Variants in KCNIP4 observed in about 807,000 individuals in gnomAD.
KCNIP4 encodes potassium voltage-gated channel interacting protein 4.
In KCNIP4, 12 loss-of-function variants were observed where a neutral mutation model predicts 34.0. That is an observed-to-expected ratio of 0.35 (90% CI 0.23 to 0.57). The LOEUF is 0.57. Among genes scored for constraint, KCNIP4 ranks in the 20% least tolerant of loss-of-function variants. KCNIP4 has a pLI of 0.83. For synonymous variants in KCNIP4, 124 were observed against 102.2 expected (o/e 1.21, Z -1.29); for missense variants, 238 against 311.7 (o/e 0.76, Z 1.78).
intron 1 of KCNIP4, among the ~76,000 whole-genome samples, chr4:21,826,652 T>A (rs1370902115): frequency 6.6e-6 from 1 of 151,948 alleles, no homozygotes; most frequent in African/African-American, 2.4e-5. Context: ...GTGAAAAAAA[T>A]AAAGACAAAT....
intron 1 of KCNIP4, among the ~76,000 whole-genome samples, chr4:21,225,931 C>T (rs1758348186): frequency 6.6e-6 from 1 of 151,964 alleles, no homozygotes; most frequent in South Asian, 2.1e-4. Flanking sequence ...AGTCTCTTCC[C>T]CCTGCTCATG....
At chr4:21,430,477 G>A (rs1340115555) in intron 1 of KCNIP4, among the ~76,000 whole-genome samples, 2 of 151,978 alleles carry the variant, frequency 1.3e-5, no homozygotes, top group Non-Finnish European at 2.9e-5. Flanking sequence ...TATCAACATA[G>A]TACAGCCATA....
chr4:20,868,534 C>T (rs545808400), intron 2 of KCNIP4, among the ~76,000 whole-genome samples: 4 of 152,214 alleles, frequency 2.6e-5, no homozygotes, highest in African/African-American at 9.6e-5. Flanking sequence ...AAGACACATG[C>T]ACTCATATGT....
intron 1 of KCNIP4, among the ~76,000 whole-genome samples, chr4:21,554,607 G>A (rs921725062): frequency 2.6e-5 from 4 of 151,952 alleles, no homozygotes; most frequent in South Asian, 2.1e-4. Flanking sequence ...AACATGTCAC[G>A]AGTTTGCAGA....
At chr4:21,296,053 T>C (rs1763823086) in intron 1 of KCNIP4, among the ~76,000 whole-genome samples, 1 of 152,176 alleles carries the variant, frequency 6.6e-6, no homozygotes, top group African/African-American at 2.4e-5. Flanking sequence ...TCTGTTCTGC[T>C]TATGGCTGAA....
chr4:21,378,741 A>T (rs1422945329), intron 1 of KCNIP4, among the ~76,000 whole-genome samples: 8 of 152,308 alleles, frequency 5.3e-5, no homozygotes, highest in Non-Finnish European at 1.2e-4. Flanking sequence ...GTGTGCATTT[A>T]TATATTCAAG....
intron 1 of KCNIP4, among the ~76,000 whole-genome samples, chr4:21,785,292 C>CA (rs1719829787): frequency 1.3e-5 from 2 of 149,880 alleles, no homozygotes; most frequent in African/African-American, 4.9e-5. Context: ...TATATCACTT[C>CA]GAAAAAAAAA....
At chr4:21,419,683 A>G (rs1330581526) in intron 1 of KCNIP4, among the ~76,000 whole-genome samples, 1 of 152,140 alleles carries the variant, frequency 6.6e-6, no homozygotes, top group Non-Finnish European at 1.5e-5. Flanking sequence ...CATAGGAGGA[A>G]AAGTAAGGAG....
chr4:21,289,393 T>G (rs1367633009), intron 1 of KCNIP4, among the ~76,000 whole-genome samples: 1 of 152,182 alleles, frequency 6.6e-6, no homozygotes, highest in Non-Finnish European at 1.5e-5. Flanking sequence ...ATTTTATTTA[T>G]TCCATCTAAC....
intron 1 of KCNIP4, among the ~76,000 whole-genome samples, chr4:21,684,030 G>C (rs1281389321): frequency 6.6e-6 from 1 of 151,530 alleles, no homozygotes; most frequent in African/African-American, 2.4e-5. Context: ...TTGGGTACTA[G>C]GTTTACTATC....
intron 1 of KCNIP4, among the ~76,000 whole-genome samples, chr4:21,080,431 G>T (rs1198726098): frequency 6.6e-6 from 1 of 151,460 alleles, no homozygotes; most frequent in Non-Finnish European, 1.5e-5. Flanking sequence ...TTTCCTTTTG[G>T]AACAATAAGA....
Position 21,223,169 on chromosome 4 carries a change from C to A in KCNIP4, c.62-340460G>T, listed in dbSNP as rs557868281. 4.7e-3 allele frequency among the ~76,000 whole-genome samples: 716 copies of A among 152,140 alleles called. 13 individuals are homozygous for A. The South Asian group carries it at 0.065, about 14-fold the overall frequency. On this transcript the variant is annotated intron_variant, in intron 1 of 8. Transcript: ENST00000382152. ...CACAGGGGTCCTTATAAGTGGGAGG[C>A]AAGTGGGGCAGGGTCAGAAAAAGGT... is the stretch of plus-strand genomic sequence containing the variant.
intron 1 of KCNIP4, among the ~76,000 whole-genome samples, chr4:21,886,901 C>T (rs190659532): frequency 6.2e-4 from 95 of 152,078 alleles, no homozygotes; most frequent in Non-Finnish European, 1.1e-3. Context: ...AATGCTTTTG[C>T]TTTAGAGAGT....
chr4:20,818,618 A>C (rs1005554679), intron 3 of KCNIP4, among the ~76,000 whole-genome samples: 1 of 152,152 alleles, frequency 6.6e-6, no homozygotes, highest in Admixed American at 6.6e-5. Context: ...GGATGTGTGT[A>C]GTGCTGTTGT....
At chr4:21,046,389 T>C (rs1742419730) in intron 1 of KCNIP4, among the ~76,000 whole-genome samples, 1 of 152,208 alleles carries the variant, frequency 6.6e-6, no homozygotes, top group African/African-American at 2.4e-5. Flanking sequence ...ATACATCCTT[T>C]TCTCCGCCCA....
At chr4:21,150,200 G>A (rs1752658257) in intron 1 of KCNIP4, among the ~76,000 whole-genome samples, 1 of 152,150 alleles carries the variant, frequency 6.6e-6, no homozygotes, top group South Asian at 2.1e-4. Context: ...CTAGTTCAAA[G>A]GAGCATGGAG....
chr4:21,359,171 G>C (rs1718963938), intron 1 of KCNIP4, among the ~76,000 whole-genome samples: 1 of 152,010 alleles, frequency 6.6e-6, no homozygotes, highest in Non-Finnish European at 1.5e-5. Context: ...ATTCACTGAA[G>C]GCCTGAGTGG....
chr4:21,731,036 C>A (rs1458293721), intron 1 of KCNIP4, among the ~76,000 whole-genome samples: 1 of 151,406 alleles, frequency 6.6e-6, no homozygotes, highest in Non-Finnish European at 1.5e-5. Flanking sequence ...ATCACCTGAG[C>A]CTAGGAAGTC....
chr4:21,769,089 G>A (rs552326902), intron 1 of KCNIP4, among the ~76,000 whole-genome samples: 141 of 151,890 alleles, frequency 9.3e-4, no homozygotes, highest in African/African-American at 3.2e-3. Flanking sequence ...GTACAGACAA[G>A]TTCACCTCCA....
Sources: allele counts gnomAD v4.1 joint callset (sites outside exome capture counted in the v4.1 genomes callset), GRCh38; gene constraint gnomAD v4.1.1; transcripts MANE v1.5; gene names NCBI Gene and HGNC (gene_info 2026-07-23, HGNC 2026-07-21).